IST1: variants seen among roughly 807,000 people sequenced by gnomAD.
IST1 encodes IST1 factor associated with ESCRT-III.
Under a neutral mutation model 37.0 loss-of-function variants are expected in IST1, and 23 were observed. The ratio of observed to expected loss-of-function variants is 0.62; its 90% CI spans 0.45 to 0.88. The LOEUF (loss-of-function observed/expected upper bound fraction) is 0.88, where lower values mean the gene tolerates loss of function less well. Ranked by LOEUF, IST1 falls within the 40% of genes least tolerant of loss-of-function variation. The pLI is 0.00. For missense variants in IST1, 488 were observed against 445.4 expected, an observed-to-expected ratio of 1.10 and a Z score of -0.86; for synonymous variants, 180 against 161.7, an observed-to-expected ratio of 1.11 and a Z score of -0.86.
chr16:71,908,882 C>A (rs988699520), intron 1 of IST1, among the ~76,000 whole-genome samples: 2 of 152,150 alleles, frequency 1.3e-5, no homozygotes, highest in African/African-American at 4.8e-5. Context: ...CTTCATCCAT[C>A]TGCTATTATT....
At position 71,929,380 on chromosome 16, in the gene IST1, T is replaced by C. The variant is rs1014343302; in HGVS notation, c.*1567T>C. On this transcript the variant is annotated 3_prime_UTR_variant, in exon 10 of 10. Coordinates refer to ENST00000378799, the MANE Select transcript of IST1 (RefSeq NM_001270975.2). Reference sequence around the variant, plus strand: ...GTATTCTTGCATTGTTAATCCTATCTTGACAGTGCCAAGATCCATAAGAAC... The same window carrying C: ...GTATTCTTGCATTGTTAATCCTATCCTGACAGTGCCAAGATCCATAAGAAC... The C allele has an allele frequency of 5.7e-6, 4 of 702,326 alleles. No homozygotes were observed. In the South Asian group the frequency reaches 9.2e-5, roughly 16 times the overall value. 43.5% of individuals were successfully genotyped at this position (702,326 alleles called of 1,614,324 possible). A position where few individuals can be genotyped will look rare whatever the true frequency, so the allele number is the denominator to read the frequency against.
At position 71,915,714 on chromosome 16, in the gene IST1, T is replaced by C. The variant is rs1461632589; in HGVS notation, c.74T>C (p.Leu25Ser). Residue 25 changes from leucine (L) to serine (S), a missense_variant, in exon 2 of 10, where the codon TTG becomes TCG. Physicochemically the swap from Leu to Ser is moderately radical, Grantham distance 145. Coordinates refer to ENST00000378799, the MANE Select transcript of IST1 (RefSeq NM_001270975.2). ...TTAGTCATAAATCGCCTTAAACTAT[T>C]GGAGAAAAAGAAAAGTGAGTAGTGT... Reference protein sequence around the residue: ...LRLVINRLKLLEKKKTELAQK... With the variant: ...LRLVINRLKLSEKKKTELAQK... 1 of 1,610,098 alleles carries C rather than the reference T, an allele frequency of 6.2e-7. No homozygotes were observed. The highest frequency in any genetic ancestry group is 8.5e-7 in the Non-Finnish European group (1 of 1,177,298).
intron 1 of IST1, among the ~76,000 whole-genome samples, chr16:71,909,352 G>A (rs934280661): frequency 6.6e-6 from 1 of 152,120 alleles, no homozygotes; most frequent in African/African-American, 2.4e-5. Context: ...CGATCCTCCT[G>A]CCCGGACCTC....
chr16:71,910,561 G>T lies in IST1; in HGVS notation c.-15-5065G>T, dbSNP rs554142901. On this transcript the variant is annotated intron_variant, in intron 1 of 9. Coordinates refer to ENST00000378799, the MANE Select transcript of IST1 (RefSeq NM_001270975.2). Reference sequence around the variant, plus strand: ...GCGGAGCTTGCAGTGGGCCGAGATTGTGCCGCTGCACTCCAGCCTGGGTGA... The same window carrying T: ...GCGGAGCTTGCAGTGGGCCGAGATTTTGCCGCTGCACTCCAGCCTGGGTGA... Among the ~76,000 whole-genome samples, 468 of 150,674 alleles carry T rather than the reference G, an allele frequency of 3.1e-3. 1 individual carries two copies. Among genetic ancestry groups the T allele is most frequent in the Middle Eastern group, 0.024 (7 of 290 alleles).
intron 1 of IST1, among the ~76,000 whole-genome samples, chr16:71,912,155 TTTTAA>T (rs1404773056): frequency 1.3e-5 from 2 of 152,166 alleles, no homozygotes; most frequent in African/African-American, 4.8e-5. Flanking sequence ...ATTGCTTACC[TTTTAA>T]TTTTTTTATA....
At chr16:71,921,204 A>G in intron 5 of IST1, 139 bp from the exon 6 acceptor site, 1 of 632,476 alleles carries the variant, frequency 1.6e-6, no homozygotes, top group East Asian at 2.7e-5. Context: ...GTGACTCTGA[A>G]AAAAATCATT....
intron 1 of IST1, among the ~76,000 whole-genome samples, chr16:71,912,528 C>A (rs575782409): frequency 6.6e-6 from 1 of 152,196 alleles, no homozygotes; most frequent in Non-Finnish European, 1.5e-5. Flanking sequence ...TGAGCCACCG[C>A]GCCCGGCCTA....
At chr16:71,920,903 C>T (rs2037564418) in intron 5 of IST1, 81 bp downstream of exon 5, 3 of 962,310 alleles carry the variant, frequency 3.1e-6, no homozygotes, top group Non-Finnish European at 5.1e-6. Flanking sequence ...TAGTGGGTAC[C>T]ACTGTATTGC....
Position 71,929,451 on chromosome 16 carries a change from A to C in IST1, c.*1638A>C. 1 of 1,299,318 alleles carries C rather than the reference A, an allele frequency of 7.7e-7. No homozygotes were observed. Among genetic ancestry groups the C allele is most frequent in the Non-Finnish European group, 1.0e-6 (1 of 970,642 alleles). 80.5% of individuals were successfully genotyped at this position (1,299,318 alleles called of 1,614,324 possible). A position where few individuals can be genotyped will look rare whatever the true frequency, so the allele number is the denominator to read the frequency against. ...ATTCCTAACTTACAGAATTAAAAAC[A>C]AAGTATATTATAATTTTAAAGCTAT... On this transcript the variant is annotated 3_prime_UTR_variant, in exon 10 of 10. Transcript: ENST00000378799.
At chr16:71,905,006 A>AT (rs565772351) in intron 1 of IST1, among the ~76,000 whole-genome samples, 90 of 148,880 alleles carry the variant, frequency 6.0e-4, no homozygotes, top group African/African-American at 8.4e-4. Context: ...CCATTAAAAA[A>AT]TTTTTTTTTT....
At chr16:71,910,042 A>G (rs768661081) in intron 1 of IST1, among the ~76,000 whole-genome samples, 2 of 152,148 alleles carry the variant, frequency 1.3e-5, no homozygotes, top group Middle Eastern at 3.2e-3. Context: ...TATCTTGGTT[A>G]TATATTAAAA....
At chr16:71,914,657 A>G (rs563314106) in intron 1 of IST1, among the ~76,000 whole-genome samples, 6 of 152,248 alleles carry the variant, frequency 3.9e-5, no homozygotes, top group East Asian at 3.9e-4. Flanking sequence ...TTTGGGGGCA[A>G]TTTTACAAAA....
In IST1 at chr16:71,923,481, A is replaced by C. The variant is rs865991926; in HGVS notation, c.852+101A>C. The stretch of plus-strand genomic sequence containing the variant: ...GAAGGCAGAGTTTTGATCAACTCCT[A>C]GTACTGTCATCATTTTTGCTTTGGG... On this transcript the variant is annotated intron_variant, in intron 8 of 9. Coordinates refer to ENST00000378799, the MANE Select transcript of IST1 (RefSeq NM_001270975.2). 23 of 648,408 alleles carry C rather than the reference A, an allele frequency of 3.5e-5. No individual in the cohort carries two copies. The Middle Eastern group carries it at 1.8e-3, about 51-fold the overall frequency. The allele number at this position is 648,408 out of a possible 1,614,324, so 40.2% of individuals were successfully genotyped here.
intron 1 of IST1, among the ~76,000 whole-genome samples, chr16:71,897,245 C>T (rs1260654786): frequency 2.8e-5 from 4 of 144,668 alleles, no homozygotes; most frequent in Non-Finnish European, 6.0e-5. Context: ...TGGTCTTGAA[C>T]TCGTGGGCTC....
chr16:71,904,573 C>T (rs772166390), intron 1 of IST1, among the ~76,000 whole-genome samples: 1 of 152,142 alleles, frequency 6.6e-6, no homozygotes, highest in African/African-American at 2.4e-5. Context: ...GCTACCGTGT[C>T]CAGCTAATTT....
Position 71,930,114 on chromosome 16 carries a change from C to G in IST1, c.*2301C>G. The G allele has an allele frequency of 6.4e-7, 1 of 1,551,578 alleles. No homozygotes were observed. The highest frequency in any genetic ancestry group is 8.7e-7 in the Non-Finnish European group (1 of 1,146,902). The stretch of plus-strand genomic sequence containing the variant: ...ATGGCCGAAACGAAAAGATTAATTA[C>G]CACAAGTACCATCAAGATGACACTG... On this transcript the variant is annotated 3_prime_UTR_variant, in exon 10 of 10. Coordinates refer to ENST00000378799, the MANE Select transcript of IST1 (RefSeq NM_001270975.2).
intron 9 of IST1, among the ~76,000 whole-genome samples, 178 bp from the exon 10 acceptor site, chr16:71,927,436 T>C (rs3794692): frequency 0.8 from 120,865 of 150,938 alleles, 48,746 homozygotes; most frequent in East Asian, 0.98. Context: ...TGCAGTGAGC[T>C]GAGATCACGC....
At chr16:71,894,794 C>CA, upstream of IST1, 6 of 1,513,370 alleles carry the variant, frequency 4.0e-6, no homozygotes, top group Non-Finnish European at 5.3e-6. Context: ...CCCCGCCTCT[C>CA]AAAGTGCTGG....
At chr16:71,914,788 A>G (rs1302019560) in intron 1 of IST1, among the ~76,000 whole-genome samples, 2 of 152,030 alleles carry the variant, frequency 1.3e-5, no homozygotes, top group African/African-American at 4.8e-5. Flanking sequence ...ACTTTGTTTG[A>G]CCTATCTTTT....
Sources: allele counts gnomAD v4.1 joint callset (sites outside exome capture counted in the v4.1 genomes callset), GRCh38; gene constraint gnomAD v4.1.1; transcripts MANE v1.5; gene names NCBI Gene and HGNC (gene_info 2026-07-23, HGNC 2026-07-21).